Variants in RSBN1L observed in about 807,000 individuals in gnomAD.
RSBN1L encodes lysine-specific demethylase RSBN1L.
RSBN1L carries 30 observed loss-of-function variants against 67.7 expected under a neutral mutation model. That is an observed-to-expected ratio of 0.44 (90% CI 0.33 to 0.60). The LOEUF is 0.60. Ranked by LOEUF, RSBN1L falls within the 20% of genes least tolerant of loss-of-function variation. The pLI is 0.02. For missense variants in RSBN1L, 992 were observed against 1,031.7 expected (o/e 0.96, Z 0.53); for synonymous variants, 433 against 387.0 (o/e 1.12, Z -1.39).
chr7:77,755,564 G>A (rs1265544329), intron 3 of RSBN1L, among the ~76,000 whole-genome samples: 1 of 152,114 alleles, frequency 6.6e-6, no homozygotes, highest in African/African-American at 2.4e-5. Flanking sequence ...TTCTCGGGAG[G>A]CTGAGGCAGG....
At chr7:77,705,755 G>C (rs1291280521) in intron 1 of RSBN1L, among the ~76,000 whole-genome samples, 1 of 151,880 alleles carries the variant, frequency 6.6e-6, no homozygotes, top group African/African-American at 2.4e-5. Flanking sequence ...CAGGTGTTCT[G>C]CCTGCCTCGG....
At chr7:77,748,977 T>TGCCA (rs796863531) in intron 2 of RSBN1L, among the ~76,000 whole-genome samples, 4 of 151,064 alleles carry the variant, frequency 2.6e-5, no homozygotes, top group African/African-American at 7.3e-5. Context: ...ACTGGCTGGC[T>TGCCA]GGGTGTGGTG....
chr7:77,699,715 T>G (rs1790789165), intron 1 of RSBN1L, among the ~76,000 whole-genome samples: 1 of 152,176 alleles, frequency 6.6e-6, no homozygotes, highest in Admixed American at 6.5e-5. Flanking sequence ...ATCATAGTAC[T>G]GTAGCTGACT....
At chr7:77,776,101 A>G (rs142913517) in intron 6 of RSBN1L, among the ~76,000 whole-genome samples, 171 of 152,310 alleles carry the variant, frequency 1.1e-3, no homozygotes, top group African/African-American at 3.8e-3. Flanking sequence ...ATAGTGCTCT[A>G]TAAATTAAGA....
At position 77,765,229 on chromosome 7, in the gene RSBN1L, ACT is replaced by A. The variant is rs557095672; in HGVS notation, c.1345-263_1345-262del. 3.7e-3 allele frequency among the ~76,000 whole-genome samples: 570 copies of A among 152,258 alleles called. 4 individuals are homozygous for A. The highest frequency in any genetic ancestry group is 0.013 in the African/African-American group (541 of 41,554). On this transcript the variant is annotated intron_variant, in intron 3 of 7. Coordinates refer to ENST00000334955, the MANE Select transcript of RSBN1L (RefSeq NM_198467.3). The stretch of plus-strand genomic sequence containing the variant: ...CTAGAATTAATGCTTATTTGTCTTA[ACT>A]CTGTTTTCATAAGCAGTGTGTAGGA...
At chr7:77,706,142 T>C (rs1047175044) in intron 1 of RSBN1L, among the ~76,000 whole-genome samples, 1 of 151,706 alleles carries the variant, frequency 6.6e-6, no homozygotes, top group African/African-American at 2.4e-5. Context: ...AATGGTGCGA[T>C]CTTGATTCAC....
chr7:77,703,863 C>CA (rs1302532857), intron 1 of RSBN1L, among the ~76,000 whole-genome samples: 1 of 152,078 alleles, frequency 6.6e-6, no homozygotes, highest in Non-Finnish European at 1.5e-5. Flanking sequence ...AATCATAGCT[C>CA]AATGTAACCT....
At chr7:77,735,812 C>T (rs1047584206) in intron 1 of RSBN1L, among the ~76,000 whole-genome samples, 3 of 152,058 alleles carry the variant, frequency 2.0e-5, no homozygotes, top group African/African-American at 7.2e-5. Flanking sequence ...TGAATGATCC[C>T]TAGAGTTATT....
intron 1 of RSBN1L, among the ~76,000 whole-genome samples, chr7:77,717,777 GGAGGCT>G (rs1443493386): frequency 1.3e-5 from 2 of 152,182 alleles, no homozygotes; most frequent in Non-Finnish European, 2.9e-5. Context: ...GAGCACTTTG[GGAGGCT>G]GAGGTGGGCG....
intron 6 of RSBN1L, among the ~76,000 whole-genome samples, chr7:77,777,770 CTAAT>C (rs1343139534): frequency 2.6e-5 from 4 of 151,730 alleles, no homozygotes; most frequent in African/African-American, 9.7e-5. Flanking sequence ...TTATATATTC[CTAAT>C]TAATTGAAGA....
intron 1 of RSBN1L, among the ~76,000 whole-genome samples, chr7:77,724,687 A>G (rs1003946920): frequency 6.6e-6 from 1 of 151,860 alleles, no homozygotes; most frequent in Non-Finnish European, 1.5e-5. Flanking sequence ...TGCCCTCACA[A>G]AGTGCTGGGA....
intron 1 of RSBN1L, among the ~76,000 whole-genome samples, chr7:77,708,372 C>T (rs981529611): frequency 6.9e-6 from 1 of 145,280 alleles, no homozygotes; most frequent in South Asian, 2.2e-4. Flanking sequence ...CTTCCTTTTG[C>T]CAGGATGAGA....
chr7:77,718,697 C>T (rs1011512920), intron 1 of RSBN1L, among the ~76,000 whole-genome samples: 3 of 152,154 alleles, frequency 2.0e-5, no homozygotes, highest in African/African-American at 4.8e-5. Context: ...TATAATAAGA[C>T]TTTGTGAAGG....
At chr7:77,777,333 T>C (rs1791931329) in intron 6 of RSBN1L, among the ~76,000 whole-genome samples, 1 of 152,114 alleles carries the variant, frequency 6.6e-6, no homozygotes, top group East Asian at 1.9e-4. Context: ...TTAGGTGTGC[T>C]GTACATTCCT....
At chr7:77,756,799 A>C (rs1023188936) in intron 3 of RSBN1L, among the ~76,000 whole-genome samples, 3 of 152,190 alleles carry the variant, frequency 2.0e-5, no homozygotes, top group African/African-American at 4.8e-5. Flanking sequence ...GAAGAAATTC[A>C]TGGTAATGCC....
At chr7:77,773,045 GA>G in intron 5 of RSBN1L, 101 bp from the exon 6 acceptor site, 1 of 584,336 alleles carries the variant, frequency 1.7e-6, no homozygotes, top group Non-Finnish European at 2.8e-6. Flanking sequence ...TTTGATTTGA[GA>G]GCAAATTTCA....
intron 3 of RSBN1L, among the ~76,000 whole-genome samples, chr7:77,756,310 T>G (rs1360149165): frequency 1.3e-5 from 2 of 152,002 alleles, no homozygotes; most frequent in Non-Finnish European, 2.9e-5. Context: ...TTTTTGTGTT[T>G]TCAGTAGAGA....
chr7:77,715,169 G>A (rs952278514), intron 1 of RSBN1L, among the ~76,000 whole-genome samples: 6 of 152,100 alleles, frequency 3.9e-5, no homozygotes, highest in Admixed American at 6.6e-5. Context: ...CTACTTGGGA[G>A]GCTGAGACAT....
chr7:77,768,915 A>G, intron 5 of RSBN1L, 112 bp downstream of exon 5: 1 of 873,996 alleles, frequency 1.1e-6, no homozygotes, highest in Non-Finnish European at 1.8e-6. Context: ...CATAATTGGA[A>G]TATAAATTTA....
Sources: gnomAD v4.1 joint callset for allele counts (sites outside exome capture counted in the v4.1 genomes callset) on GRCh38, gnomAD v4.1.1 for gene constraint, MANE v1.5 for transcripts, NCBI Gene and HGNC (gene_info 2026-07-23, HGNC 2026-07-21) for gene names.